DACH2: variants seen among roughly 807,000 people sequenced by gnomAD.
DACH2 encodes dachshund homolog 2.
DACH2 carries 17 observed loss-of-function variants against 35.8 expected under a neutral mutation model. The observed-to-expected ratio is 0.48, with a 90% CI of 0.33 to 0.71. The LOEUF (loss-of-function observed/expected upper bound fraction) is 0.71. Ranked by LOEUF, DACH2 falls within the 30% of genes least tolerant of loss-of-function variation. The probability of loss-of-function intolerance (pLI) is 0.02; values close to 1 mark genes in which losing one functional copy is unlikely to be tolerated. For missense variants in DACH2, 469 were observed against 472.7 expected (o/e 0.99, Z 0.07); for synonymous variants, 195 against 177.3 (o/e 1.10, Z -0.79).
At position 86,295,731 on chromosome X, in the gene DACH2, A is replaced by C. The variant is rs376352400; in HGVS notation, c.489-81093A>C. On this transcript the variant is annotated intron_variant, in intron 1 of 11. Transcript: ENST00000373125. ...CTGAGTTTGATGCCTCACAATTGCT[A>C]TGATTTCTGTCTCCTCAGACACAGA... is the stretch of plus-strand genomic sequence containing the variant. Among the ~76,000 whole-genome samples, 50 of 111,235 alleles carry C rather than the reference A, an allele frequency of 4.5e-4. No homozygotes were observed. In the South Asian group the frequency reaches 0.018, roughly 41 times the overall value.
intron 1 of DACH2, among the ~76,000 whole-genome samples, chrX:86,253,846 T>C (rs1053086386): frequency 3.0e-4 from 34 of 112,189 alleles, no homozygotes; most frequent in African/African-American, 1.1e-3. Context: ...TTCTTTATGC[T>C]TACTGTATCA....
intron 2 of DACH2, among the ~76,000 whole-genome samples, chrX:86,433,882 G>T (rs1432184991): frequency 9.0e-6 from 1 of 111,405 alleles, no homozygotes; most frequent in Non-Finnish European, 1.9e-5. Context: ...AACAGAGAAG[G>T]CCCAAGCAAT....
chrX:86,318,534 C>A (rs1205804774), intron 1 of DACH2, among the ~76,000 whole-genome samples: 1 of 111,530 alleles, frequency 9.0e-6, no homozygotes, highest in Non-Finnish European at 1.9e-5. Context: ...CTTACAATAA[C>A]CCAACATAAC....
At chrX:86,384,293 C>A (rs1602461526) in intron 2 of DACH2, among the ~76,000 whole-genome samples, 1 of 111,178 alleles carries the variant, frequency 9.0e-6, no homozygotes, top group Admixed American at 9.6e-5. Context: ...TTGTATAGCC[C>A]TATTCTTAAA....
At chrX:86,301,008 A>G (rs1158589384) in intron 1 of DACH2, among the ~76,000 whole-genome samples, 3 of 112,355 alleles carry the variant, frequency 2.7e-5, no homozygotes, top group African/African-American at 9.7e-5. Flanking sequence ...TTCACTTATT[A>G]AGGAAGGTAA....
At chrX:86,185,600 G>T (rs750242052) in intron 1 of DACH2, among the ~76,000 whole-genome samples, 31 of 111,395 alleles carry the variant, frequency 2.8e-4, no homozygotes, top group African/African-American at 9.8e-4. Context: ...CAGTTTGCTG[G>T]TAGTGATTTT....
At chrX:86,567,861 T>C (rs2039312532) in intron 3 of DACH2, among the ~76,000 whole-genome samples, 1 of 111,829 alleles carries the variant, frequency 8.9e-6, no homozygotes, top group African/African-American at 3.2e-5. Flanking sequence ...GTGATGTGCA[T>C]AGCAGCTTTT....
chrX:86,346,382 A>T (rs907475615), intron 1 of DACH2, among the ~76,000 whole-genome samples: 26 of 109,087 alleles, frequency 2.4e-4, no homozygotes, highest in African/African-American at 8.7e-4. Flanking sequence ...CTCAGGACAA[A>T]CTTAGAGTTT....
At chrX:86,357,781 A>C (rs1391467978) in intron 1 of DACH2, among the ~76,000 whole-genome samples, 12 of 112,383 alleles carry the variant, frequency 1.1e-4, no homozygotes, top group Non-Finnish European at 2.3e-4. Context: ...GATCAAATGG[A>C]GTGAACTGAT....
At chrX:86,721,044 G>A (rs974195192) in intron 6 of DACH2, among the ~76,000 whole-genome samples, 2 of 112,336 alleles carry the variant, frequency 1.8e-5, no homozygotes, top group African/African-American at 3.2e-5. Context: ...GGGACGAAGG[G>A]CACCAAGTCC....
chrX:86,583,192 C>A (rs1422608327), intron 3 of DACH2, among the ~76,000 whole-genome samples: 5 of 111,618 alleles, frequency 4.5e-5, no homozygotes, highest in African/African-American at 1.6e-4. Context: ...CCTTAACAAA[C>A]TAGACATTGA....
At chrX:86,425,147 G>A (rs1158861914) in intron 2 of DACH2, among the ~76,000 whole-genome samples, 1 of 110,578 alleles carries the variant, frequency 9.0e-6, no homozygotes, top group Non-Finnish European at 1.9e-5. Context: ...TTTTTTGTGT[G>A]TGTGTCTTTA....
intron 1 of DACH2, among the ~76,000 whole-genome samples, chrX:86,199,156 G>GA (rs1202174361): frequency 9.1e-6 from 1 of 110,357 alleles, no homozygotes; most frequent in African/African-American, 3.3e-5. Flanking sequence ...CAGAAGTAAA[G>GA]AAAAAAACCA....
intron 1 of DACH2, among the ~76,000 whole-genome samples, chrX:86,288,799 C>T (rs991698934): frequency 1.8e-5 from 2 of 111,824 alleles, no homozygotes; most frequent in African/African-American, 6.5e-5. Flanking sequence ...CCCTTCTTGC[C>T]CAAGGCAGGT....
intron 3 of DACH2, among the ~76,000 whole-genome samples, chrX:86,643,993 C>CGTTT (rs1390158730): frequency 9.0e-6 from 1 of 111,313 alleles, no homozygotes; most frequent in African/African-American, 3.3e-5. Context: ...CTATGACAAA[C>CGTTT]CCACAGTAAA....
chrX:86,395,980 T>C (rs1188651988), intron 2 of DACH2, among the ~76,000 whole-genome samples: 1 of 111,745 alleles, frequency 8.9e-6, no homozygotes, highest in Non-Finnish European at 1.9e-5. Context: ...TCCACAATGG[T>C]TGAACTAGTT....
chrX:86,529,973 A>ACG lies in DACH2; in HGVS notation c.640+15583_640+15584insGC, dbSNP rs1372541209. 3.0e-3 allele frequency among the ~76,000 whole-genome samples: 131 copies of ACG among 43,337 alleles called. 1 individual carries two copies. Among genetic ancestry groups the ACG allele is most frequent in the African/African-American group, 7.7e-3 (115 of 15,027 alleles). The allele number at this position is 43,337 out of a possible 115,157, so 37.6% of individuals were successfully genotyped here. A position where few individuals can be genotyped will look rare whatever the true frequency, so the allele number is the denominator to read the frequency against. ...CACACACACACACACACACACACAC[A>ACG]CACGCACACACACACACACACACAC... On this transcript the variant is annotated intron_variant, in intron 3 of 11. Transcript: ENST00000373125.
intron 1 of DACH2, among the ~76,000 whole-genome samples, chrX:86,301,896 T>A (rs1260120174): frequency 1.8e-5 from 2 of 111,503 alleles, no homozygotes; most frequent in Non-Finnish European, 3.8e-5. Flanking sequence ...CATACTTTGA[T>A]TCTACTTATA....
intron 2 of DACH2, among the ~76,000 whole-genome samples, chrX:86,485,708 A>G (rs2038009436): frequency 9.0e-6 from 1 of 111,586 alleles, no homozygotes; most frequent in South Asian, 3.7e-4. Context: ...CACATTGCCT[A>G]TAAGTGATAA....
Sources: allele counts gnomAD v4.1 joint callset (sites outside exome capture counted in the v4.1 genomes callset), GRCh38; gene constraint gnomAD v4.1.1; transcripts MANE v1.5; gene names NCBI Gene and HGNC (gene_info 2026-07-23, HGNC 2026-07-21).